Variants in TMTC2 observed in about 807,000 individuals in gnomAD.
TMTC2 encodes protein O-mannosyl-transferase TMTC2.
Under a neutral mutation model 82.4 loss-of-function variants are expected in TMTC2, and 43 were observed. The observed-to-expected ratio is 0.52, with a 90% CI of 0.41 to 0.67. The LOEUF (loss-of-function observed/expected upper bound fraction) is 0.67. Ranked by LOEUF, TMTC2 falls within the 30% of genes least tolerant of loss-of-function variation. TMTC2 has a pLI of 0.00. For synonymous variants in TMTC2, 408 were observed against 381.9 expected, an observed-to-expected ratio of 1.07 and a Z score of -0.80; for missense variants, 919 against 1,012.4, an observed-to-expected ratio of 0.91 and a Z score of 1.25.
chr12:83,001,044 C>T (rs1370905017), intron 8 of TMTC2, among the ~76,000 whole-genome samples: 1 of 152,084 alleles, frequency 6.6e-6, no homozygotes, highest in Non-Finnish European at 1.5e-5. Context: ...GGGCCGGACT[C>T]ACAAAACCAC....
At chr12:83,071,721 AT>A (rs1230139904) in intron 11 of TMTC2, among the ~76,000 whole-genome samples, 1 of 151,926 alleles carries the variant, frequency 6.6e-6, no homozygotes, top group Non-Finnish European at 1.5e-5. Context: ...ATTCTTCCTG[AT>A]TTAAGCTAGG....
chr12:82,978,642 C>T (rs928345945), intron 7 of TMTC2, among the ~76,000 whole-genome samples: 15 of 151,588 alleles, frequency 9.9e-5, no homozygotes, highest in Admixed American at 4.6e-4. Flanking sequence ...CCATGTGCTG[C>T]GGTGAAAAAT....
intron 7 of TMTC2, among the ~76,000 whole-genome samples, chr12:82,968,459 A>T (rs1878316136): frequency 1.3e-5 from 2 of 152,288 alleles, no homozygotes; most frequent in South Asian, 4.1e-4. Context: ...GTCAAAATAA[A>T]TGCTGAAAGA....
chr12:82,914,479 A>C (rs1874879248), intron 3 of TMTC2, among the ~76,000 whole-genome samples: 1 of 152,210 alleles, frequency 6.6e-6, no homozygotes, highest in African/African-American at 2.4e-5. Context: ...TTTATAACTT[A>C]TAAGCAGATT....
intron 1 of TMTC2, among the ~76,000 whole-genome samples, chr12:82,819,493 C>A (rs949404353): frequency 1.1e-4 from 15 of 137,358 alleles, no homozygotes; most frequent in African/African-American, 3.7e-4. Context: ...TTCTTTCTCT[C>A]TTTCTTTTTT....
intron 1 of TMTC2, among the ~76,000 whole-genome samples, chr12:82,819,174 T>C (rs1418181898): frequency 1.3e-5 from 2 of 152,056 alleles, no homozygotes; most frequent in Non-Finnish European, 2.9e-5. Context: ...TAGCCTCTGT[T>C]TGAATGTTTT....
At chr12:82,885,580 A>C (rs904660374) in intron 2 of TMTC2, among the ~76,000 whole-genome samples, 4 of 151,612 alleles carry the variant, frequency 2.6e-5, no homozygotes, top group Non-Finnish European at 5.9e-5. Flanking sequence ...ATGTTGCCCA[A>C]GTGGGTCCTG....
chr12:82,753,970 G>A (rs187858294), intron 1 of TMTC2, among the ~76,000 whole-genome samples: 3 of 152,232 alleles, frequency 2.0e-5, no homozygotes, highest in African/African-American at 7.2e-5. Flanking sequence ...CCAGGCATTG[G>A]GGCATTCTGG....
At chr12:82,736,771 A>G (rs1875147710) in intron 1 of TMTC2, among the ~76,000 whole-genome samples, 2 of 152,320 alleles carry the variant, frequency 1.3e-5, no homozygotes, top group African/African-American at 2.4e-5. Context: ...ATTTCAAATA[A>G]TAGTCTTTAT....
chr12:82,800,734 G>C (rs75782999), intron 1 of TMTC2, among the ~76,000 whole-genome samples: 2,226 of 152,180 alleles, frequency 0.015, 53 homozygotes, highest in African/African-American at 0.05. Flanking sequence ...TTTTTGCAGA[G>C]AGTAGGGAGA....
intron 11 of TMTC2, among the ~76,000 whole-genome samples, chr12:83,091,431 G>A (rs1487624323): frequency 6.6e-6 from 1 of 151,988 alleles, no homozygotes. Flanking sequence ...ATTATGATTG[G>A]GGAGTCAAAG....
At chr12:82,828,097 T>A (rs1302678965) in intron 1 of TMTC2, among the ~76,000 whole-genome samples, 2 of 152,088 alleles carry the variant, frequency 1.3e-5, no homozygotes, top group East Asian at 3.9e-4. Flanking sequence ...TTCACGGTAT[T>A]GGTCAGGCTG....
intron 1 of TMTC2, among the ~76,000 whole-genome samples, chr12:82,735,621 A>G (rs1172525608): frequency 2.0e-5 from 3 of 150,938 alleles, no homozygotes. Flanking sequence ...CTGGGATTAC[A>G]GGCGTGAGCC....
At chr12:82,990,932 A>G (rs1474955977) in intron 8 of TMTC2, among the ~76,000 whole-genome samples, 1 of 152,082 alleles carries the variant, frequency 6.6e-6, no homozygotes, top group African/African-American at 2.4e-5. Context: ...AAAAAAAATG[A>G]ATGAGGGTGG....
chr12:82,978,020 C>A (rs955848493), intron 7 of TMTC2, among the ~76,000 whole-genome samples: 6 of 151,560 alleles, frequency 4.0e-5, no homozygotes, highest in South Asian at 4.1e-4. Context: ...TTGGAGAAAA[C>A]ATAAAAATTT....
intron 9 of TMTC2, among the ~76,000 whole-genome samples, chr12:83,045,842 A>T (rs1164515307): frequency 6.6e-6 from 1 of 152,040 alleles, no homozygotes; most frequent in East Asian, 1.9e-4. Flanking sequence ...CACAAGGGAA[A>T]GCTGGTTCCT....
rs541717132 is a variant in TMTC2 at position 82,999,895 on chromosome 12, C to G, written c.2070+13849C>G. 2.6e-5 allele frequency among the ~76,000 whole-genome samples: 4 copies of G among 152,284 alleles called. No individual in the cohort carries two copies. The East Asian group carries it at 7.7e-4, about 29-fold the overall frequency. On this transcript the variant is annotated intron_variant, in intron 8 of 11. Coordinates refer to ENST00000321196, the MANE Select transcript of TMTC2 (RefSeq NM_152588.3). ...ACATTTCAAAACCAATCATGCCTTC[C>G]CAACAGTCTCCCAAAGTCTTAACTC...
At position 82,965,547 on chromosome 12, in the gene TMTC2, T is replaced by A. The variant is rs1315815597; in HGVS notation, c.1685-13T>A. ...CATCTTCTCACACTTTTGTTTCCAC[T>A]TTTCCCCCTCAGCTGCATATTTAAA... On this transcript the variant is annotated splice_polypyrimidine_tract_variant and intron_variant, in intron 5 of 11. Coordinates refer to ENST00000321196, the MANE Select transcript of TMTC2 (RefSeq NM_152588.3). 3 of 1,613,026 alleles carry A rather than the reference T, an allele frequency of 1.9e-6. No homozygotes were observed. In the South Asian group the frequency reaches 3.3e-5, roughly 18 times the overall value.
At chr12:82,821,912 G>T (rs1275336118) in intron 1 of TMTC2, among the ~76,000 whole-genome samples, 1 of 147,812 alleles carries the variant, frequency 6.8e-6, no homozygotes, top group Non-Finnish European at 1.5e-5. Context: ...AAAAAAGCTA[G>T]ATGTGTCCTC....
Sources: allele counts gnomAD v4.1 joint callset (sites outside exome capture counted in the v4.1 genomes callset), GRCh38; gene constraint gnomAD v4.1.1; transcripts MANE v1.5; gene names NCBI Gene and HGNC (gene_info 2026-07-23, HGNC 2026-07-21).